The following TXNDC12 variants were observed in gnomAD, a reference collection of about 807,000 sequenced individuals.
TXNDC12 encodes thioredoxin domain-containing protein 12.
A neutral mutation model predicts 24.2 loss-of-function variants in TXNDC12; 22 were observed. The ratio of observed to expected loss-of-function variants is 0.91; its 90% CI spans 0.65 to 1.30. The LOEUF (loss-of-function observed/expected upper bound fraction) is 1.30. TXNDC12 is among the 50% of genes most tolerant of loss of function. The probability of loss-of-function intolerance (pLI) is 0.00; values close to 1 mark genes in which losing one functional copy is unlikely to be tolerated. For missense variants in TXNDC12, 184 were observed against 205.8 expected (o/e 0.89, Z 0.65); for synonymous variants, 58 against 73.4 (o/e 0.79, Z 1.07).
intron 2 of TXNDC12, among the ~76,000 whole-genome samples, chr1:52,035,022 C>T (rs1685856331): frequency 6.6e-6 from 1 of 152,098 alleles, no homozygotes; most frequent in African/African-American, 2.4e-5. Flanking sequence ...CCTTGGCTTC[C>T]CAAAGTGCTG....
At chr1:52,034,146 AC>A in intron 2 of TXNDC12, 1 of 925,968 alleles carries the variant, frequency 1.1e-6, no homozygotes, top group Non-Finnish European at 1.4e-6. Context: ...CTCCTCTTAA[AC>A]CTACTGGCTC....
chr1:52,020,397 C>T lies in TXNDC12; in HGVS notation c.*536G>A. ...GAGGCTGTAGAAATTTGGGAAGAAG[C>T]CCACAATTATTCCCAGGAGAAAAAA... On this transcript the variant is annotated 3_prime_UTR_variant, in exon 7 of 7. Coordinates refer to ENST00000371626, the MANE Select transcript of TXNDC12 (RefSeq NM_015913.4). The T allele has an allele frequency of 3.4e-6, 1 of 293,392 alleles. No homozygotes were observed. Among genetic ancestry groups the T allele is most frequent in the Non-Finnish European group, 6.7e-6 (1 of 149,236 alleles). 18.2% of individuals were successfully genotyped at this position (293,392 alleles called of 1,614,324 possible).
intron 1 of TXNDC12, among the ~76,000 whole-genome samples, chr1:52,049,828 G>C (rs1383902667): frequency 1.3e-5 from 2 of 151,898 alleles, no homozygotes; most frequent in East Asian, 3.9e-4. Context: ...GTGAGCCACT[G>C]CACCCAGCCT....
At chr1:52,038,256 G>A (rs1236653227) in intron 2 of TXNDC12, among the ~76,000 whole-genome samples, 5 of 151,684 alleles carry the variant, frequency 3.3e-5, no homozygotes, top group African/African-American at 7.3e-5. Flanking sequence ...TTTTCTTAAC[G>A]GTGTCTGAGA....
upstream of TXNDC12, chr1:52,055,496 A>T: frequency 4.7e-6 from 1 of 211,302 alleles, no homozygotes; most frequent in Non-Finnish European, 9.7e-6. Context: ...TGCACTTCCT[A>T]GTCAAAAGCA....
rs1387249406 is a variant in TXNDC12, at chr1:52,055,062, A to G, written c.35T>C (p.Leu12Ser). 5.0e-6 allele frequency: 8 copies of G among 1,614,164 alleles called. No homozygotes were observed. Among genetic ancestry groups the G allele is most frequent in the Non-Finnish European group, 6.8e-6 (8 of 1,180,000 alleles). Residue 12 changes from leucine to serine, a missense_variant, in exon 1 of 7, where the codon TTG becomes TCG. By Grantham distance (145) the Leu-to-Ser change is moderately radical. Coordinates refer to ENST00000371626, the MANE Select transcript of TXNDC12 (RefSeq NM_015913.4). The part of the protein sequence containing the change: ...ETRPRLGATC[L>S]LGFSFLLLVI... ...GAGGAGCAGGAAACTGAAGCCCAGC[A>G]AACAGGTGGCCCCGAGACGAGGCCG...
intron 3 of TXNDC12, among the ~76,000 whole-genome samples, chr1:52,027,925 C>T (rs12045998): frequency 0.018 from 2,739 of 151,922 alleles, 96 homozygotes; most frequent in East Asian, 0.13. Context: ...CTCCGCCTCT[C>T]GGGCTCAAGC....
chr1:52,020,193 C>A lies in TXNDC12; in HGVS notation c.*740G>T, dbSNP rs751675826. ...TATTTTATCTCTTTTTTTGTTAATG[C>A]CAGTACAAAAATACAGTTGATGACT... On this transcript the variant is annotated 3_prime_UTR_variant, in exon 7 of 7. Coordinates refer to ENST00000371626, the MANE Select transcript of TXNDC12 (RefSeq NM_015913.4). The A allele has an allele frequency of 4.9e-6, 1 of 202,212 alleles. No individual in the cohort carries two copies. Among genetic ancestry groups the A allele is most frequent in the Non-Finnish European group, 1.0e-5 (1 of 98,596 alleles). The allele number at this position is 202,212 out of a possible 1,614,324, so 12.5% of individuals were successfully genotyped here.
chr1:52,025,588 T>G (rs1381687566), intron 4 of TXNDC12, among the ~76,000 whole-genome samples: 1 of 152,144 alleles, frequency 6.6e-6, no homozygotes, highest in African/African-American at 2.4e-5. Context: ...ACTGTTTCCT[T>G]TGAGTAGGAA....
chr1:52,054,974 AAG>A (rs773145918), intron 1 of TXNDC12, 24 bp downstream of exon 1: 5 of 1,532,406 alleles, frequency 3.3e-6, no homozygotes. Flanking sequence ...AAGATCAGTA[AAG>A]AGAAGATAAG....
chr1:52,053,099 CAA>C (rs35268359), intron 1 of TXNDC12, among the ~76,000 whole-genome samples: 3 of 144,102 alleles, frequency 2.1e-5, no homozygotes, highest in Non-Finnish European at 4.5e-5. Context: ...CAAAAAAATA[CAA>C]AAAAAAAAAA....
intron 2 of TXNDC12, chr1:52,033,104 C>A (rs1344606450): frequency 6.2e-7 from 1 of 1,611,506 alleles, no homozygotes; most frequent in South Asian, 1.1e-5. Context: ...TTCCGAGAAT[C>A]GGGAGCCTCA....
At chr1:52,028,434 A>AG in intron 3 of TXNDC12, 144 bp downstream of exon 3, 1 of 646,104 alleles carries the variant, frequency 1.5e-6, no homozygotes, top group East Asian at 3.0e-5. Context: ...AATTTCATGA[A>AG]GGCAGGAAAT....
At position 52,033,061 on chromosome 1, in the gene TXNDC12, C is replaced by T. The variant is rs138411665; in HGVS notation, c.159-4431G>A. The T allele has an allele frequency of 7.2e-4, 1,156 of 1,596,648 alleles. 5 individuals carry two copies. The African/African-American group carries it at 0.014, about 19-fold the overall frequency. On this transcript the variant is annotated intron_variant, in intron 2 of 6. Coordinates refer to ENST00000371626, the MANE Select transcript of TXNDC12 (RefSeq NM_015913.4). ...CGCCAGGGGCAACGGCTCCTCTAGGCCCACCAAAGTGAATAAAGGCCGGTC... is the reference window on the plus strand; with the variant it reads ...CGCCAGGGGCAACGGCTCCTCTAGGTCCACCAAAGTGAATAAAGGCCGGTC...
In TXNDC12 at chr1:52,020,931, T is replaced by C. The variant is rs1206527445; in HGVS notation, c.*2A>G. 1 of 1,612,314 alleles carries C rather than the reference T, an allele frequency of 6.2e-7. No individual in the cohort carries two copies. The highest frequency in any genetic ancestry group is 8.5e-7 in the Non-Finnish European group (1 of 1,178,462). On this transcript the variant is annotated 3_prime_UTR_variant, in exon 7 of 7. Transcript: ENST00000371626. ...TCTGATGAAAGAAGGGGCACATTCA[T>C]GTTACAATTCATCTTCAAGATGTTT...
chr1:52,055,410 G>T, upstream of TXNDC12: 1 of 301,308 alleles, frequency 3.3e-6, no homozygotes, highest in Non-Finnish European at 6.4e-6. Flanking sequence ...AAGATAGTAG[G>T]GGCGGGGGAG....
At chr1:52,022,577 CT>C (rs1685613009) in intron 6 of TXNDC12, among the ~76,000 whole-genome samples, 1 of 151,364 alleles carries the variant, frequency 6.6e-6, no homozygotes. Context: ...CTCCTCATAT[CT>C]GTCCAGAGAT....
In TXNDC12 at chr1:52,020,884, G is replaced by A. The variant is rs1276134988; in HGVS notation, c.*49C>T. The stretch of plus-strand genomic sequence containing the variant: ...ATTCCTCAATATTCCCTTCCCTGCT[G>A]CTTTCCTTCCAGAACACTAACTCTG... On this transcript the variant is annotated 3_prime_UTR_variant, in exon 7 of 7. Coordinates refer to ENST00000371626, the MANE Select transcript of TXNDC12 (RefSeq NM_015913.4). 1 of 1,489,710 alleles carries A rather than the reference G, an allele frequency of 6.7e-7. No individual in the cohort carries two copies. Among genetic ancestry groups the A allele is most frequent in the South Asian group, 1.1e-5 (1 of 88,214 alleles). The allele number at this position is 1,489,710 out of a possible 1,614,324, so 92.3% of individuals were successfully genotyped here.
intron 2 of TXNDC12, among the ~76,000 whole-genome samples, chr1:52,031,376 T>G (rs923730058): frequency 1.3e-5 from 2 of 151,962 alleles, no homozygotes; most frequent in African/African-American, 4.8e-5. Context: ...GTCAGGCTGG[T>G]CTTGAACACC....
Sources: gnomAD v4.1 joint callset for allele counts (sites outside exome capture counted in the v4.1 genomes callset) on GRCh38, gnomAD v4.1.1 for gene constraint, MANE v1.5 for transcripts, NCBI Gene and HGNC (gene_info 2026-07-23, HGNC 2026-07-21) for gene names.